The following MTA3 variants were observed in gnomAD, a reference collection of about 807,000 sequenced individuals.
MTA3 encodes the protein metastasis associated 1 family member 3, also known as metastasis-associated protein MTA3.
A neutral mutation model predicts 83.5 loss-of-function variants in MTA3; 34 were observed. That is an observed-to-expected ratio of 0.41 (90% CI 0.31 to 0.54). MTA3 has a LOEUF of 0.54. Ranked by LOEUF, MTA3 falls within the 20% of genes least tolerant of loss-of-function variation. The pLI is 0.33. For synonymous variants in MTA3, 303 were observed against 252.7 expected (o/e 1.20, Z -1.89); for missense variants, 761 against 726.4 (o/e 1.05, Z -0.55).
Position 42,625,610 on chromosome 2 carries a change from G to T in MTA3, c.318-14563G>T, listed in dbSNP as rs1365428000. ...AAATACAAAAAAATTAGCTGGGCGT[G>T]GTGGCAGGCGCCTGTAGTCCCAGCT... On this transcript the variant is annotated intron_variant, in intron 4 of 16. Transcript: ENST00000405094. 2.0e-5 allele frequency among the ~76,000 whole-genome samples: 3 copies of T among 150,294 alleles called. 1 individual carries two copies. Among genetic ancestry groups the T allele is most frequent in the Non-Finnish European group, 4.4e-5 (3 of 67,876 alleles).
At chr2:42,612,321 C>T (rs1419652328) in intron 4 of MTA3, among the ~76,000 whole-genome samples, 1 of 152,020 alleles carries the variant, frequency 6.6e-6, no homozygotes, top group East Asian at 1.9e-4. Flanking sequence ...CTCAAGCGAT[C>T]CTCCCACCTC....
At chr2:42,730,471 A>C (rs1348362501) in intron 16 of MTA3, among the ~76,000 whole-genome samples, 1 of 152,236 alleles carries the variant, frequency 6.6e-6, no homozygotes, top group Non-Finnish European at 1.5e-5. Context: ...AATTAAAATA[A>C]TCAGATGGTT....
chr2:42,651,830 T>C (rs1164971092), intron 6 of MTA3, among the ~76,000 whole-genome samples: 1 of 150,416 alleles, frequency 6.6e-6, no homozygotes, highest in Non-Finnish European at 1.5e-5. Context: ...GCATGGTGGC[T>C]CACTCGTAAT....
At chr2:42,742,340 T>C (rs571868267) in intron 16 of MTA3, among the ~76,000 whole-genome samples, 62 of 152,244 alleles carry the variant, frequency 4.1e-4, no homozygotes, top group Admixed American at 2.9e-3. Context: ...CCTTTCACCA[T>C]GTTGGCCAGG....
intron 6 of MTA3, among the ~76,000 whole-genome samples, chr2:42,648,571 T>C (rs1688426086): frequency 6.6e-6 from 1 of 152,214 alleles, no homozygotes; most frequent in African/African-American, 2.4e-5. Context: ...ATAAATCTTT[T>C]TGTGGCTTTT....
chr2:42,570,505 G>C lies in MTA3; in HGVS notation c.96+1G>C, dbSNP rs767032845. The C allele has an allele frequency of 6.8e-7, 1 of 1,462,270 alleles. No homozygotes were observed. Among genetic ancestry groups the C allele is most frequent in the South Asian group, 1.4e-5 (1 of 72,514 alleles). The allele number at this position is 1,462,270 out of a possible 1,614,324, so 90.6% of individuals were successfully genotyped here. A position where few individuals can be genotyped will look rare whatever the true frequency, so the allele number is the denominator to read the frequency against. ...AAGAAGGATAGAAGAACTCAACAAG[G>C]TATACACTGAGTGTTCTTAATTTTA... On this transcript the variant is annotated splice_donor_variant, in intron 2 of 16. Transcript: ENST00000405094. LOFTEE classifies it high-confidence loss of function.
intron 3 of MTA3, among the ~76,000 whole-genome samples, chr2:42,590,294 A>T (rs1026957126): frequency 6.6e-6 from 1 of 152,088 alleles, no homozygotes; most frequent in Admixed American, 6.6e-5. Flanking sequence ...GATTAAATTA[A>T]TGCCCTCCCT....
intron 2 of MTA3, among the ~76,000 whole-genome samples, chr2:42,499,848 G>T (rs570302920): frequency 6.6e-6 from 1 of 151,952 alleles, no homozygotes. Context: ...GGCATAGATT[G>T]TGATGACAGT....
At chr2:42,508,391 G>A (rs1015186266) in intron 2 of MTA3, among the ~76,000 whole-genome samples, 4 of 152,016 alleles carry the variant, frequency 2.6e-5, no homozygotes, top group South Asian at 2.1e-4. Context: ...GAGTGCAGTG[G>A]CACCATCTCC....
At chr2:42,548,667 G>C (rs1055178524) in intron 2 of MTA3, among the ~76,000 whole-genome samples, 1 of 146,050 alleles carries the variant, frequency 6.8e-6, no homozygotes, top group African/African-American at 2.6e-5. Context: ...GCCAGGTGTG[G>C]TGGCACACAC....
At chr2:42,607,168 C>G (rs1179133451) in intron 3 of MTA3, among the ~76,000 whole-genome samples, 1 of 151,278 alleles carries the variant, frequency 6.6e-6, no homozygotes, top group Non-Finnish European at 1.5e-5. Flanking sequence ...CACTTTTACC[C>G]CGCAAGTAAA....
intron 6 of MTA3, among the ~76,000 whole-genome samples, chr2:42,651,363 C>G (rs1386122951): frequency 6.6e-6 from 1 of 152,116 alleles, no homozygotes; most frequent in South Asian, 2.1e-4. Flanking sequence ...AATAAATTAG[C>G]TTGCTCAACT....
At chr2:42,534,421 C>T (rs1676123234) in intron 2 of MTA3, among the ~76,000 whole-genome samples, 1 of 152,096 alleles carries the variant, frequency 6.6e-6, no homozygotes, top group Non-Finnish European at 1.5e-5. Context: ...CACGGCAAAA[C>T]CCCGTCTCTA....
chr2:42,723,541 T>A (rs1667584472), intron 16 of MTA3, among the ~76,000 whole-genome samples: 1 of 152,186 alleles, frequency 6.6e-6, no homozygotes, highest in South Asian at 2.1e-4. Flanking sequence ...AATACAGAAA[T>A]AATAATTTGC....
chr2:42,650,688 C>T (rs1398713597), intron 6 of MTA3, among the ~76,000 whole-genome samples: 1 of 152,138 alleles, frequency 6.6e-6, no homozygotes, highest in Non-Finnish European at 1.5e-5. Flanking sequence ...CTCAGCCTCC[C>T]AAAGTGCTGG....
At chr2:42,579,306 T>G in intron 3 of MTA3, 106 bp downstream of exon 3, 1 of 803,710 alleles carries the variant, frequency 1.2e-6, no homozygotes, top group Non-Finnish European at 2.0e-6. Flanking sequence ...TGTCCATTTA[T>G]CTTCTTTGTA....
intron 3 of MTA3, among the ~76,000 whole-genome samples, chr2:42,602,632 G>T (rs972165638): frequency 4.6e-5 from 7 of 152,154 alleles, no homozygotes; most frequent in Non-Finnish European, 7.3e-5. Context: ...GAGGGCTAGG[G>T]TGATCAAATT....
At chr2:42,605,789 C>G (rs1381399201) in intron 3 of MTA3, among the ~76,000 whole-genome samples, 2 of 116,396 alleles carry the variant, frequency 1.7e-5, no homozygotes, top group African/African-American at 3.3e-5. Context: ...AAGGGGCGGC[C>G]GGGCAGAGGC....
At chr2:42,666,550 C>G (rs182806071) in intron 8 of MTA3, among the ~76,000 whole-genome samples, 9 of 152,310 alleles carry the variant, frequency 5.9e-5, no homozygotes, top group Admixed American at 3.9e-4. Flanking sequence ...CCCTGATGCT[C>G]TCATAGCCCC....
Sources: gnomAD v4.1 joint callset for allele counts (sites outside exome capture counted in the v4.1 genomes callset) on GRCh38, gnomAD v4.1.1 for gene constraint, MANE v1.5 for transcripts, NCBI Gene and HGNC (gene_info 2026-07-23, HGNC 2026-07-21) for gene names.